Variants in PTPRT observed in about 807,000 individuals in gnomAD.
PTPRT encodes receptor-type tyrosine-protein phosphatase T.
PTPRT carries 56 observed loss-of-function variants against 176.8 expected under a neutral mutation model. The ratio of observed to expected loss-of-function variants is 0.32; its 90% confidence interval spans 0.26 to 0.40. PTPRT has a LOEUF of 0.40. PTPRT is among the 10% of genes least tolerant of loss of function. The probability of loss-of-function intolerance (pLI) is 1.00; values close to 1 mark genes in which losing one functional copy is unlikely to be tolerated. For synonymous variants in PTPRT, 783 were observed against 739.0 expected, an observed-to-expected ratio of 1.06 and a Z score of -0.96; for missense variants, 1,540 against 1,908.2, an observed-to-expected ratio of 0.81 and a Z score of 3.60.
chr20:42,035,980 A>G, the PTPRT span, among the ~76,000 whole-genome samples: 1 of 152,208 alleles, frequency 6.6e-6, no homozygotes, highest in African/African-American at 2.4e-5. Context: ...TTGGGAGAAG[A>G]TAACAGGACA....
At chr20:42,522,232 A>C (rs548815920) in intron 7 of PTPRT, among the ~76,000 whole-genome samples, 67 of 149,610 alleles carry the variant, frequency 4.5e-4, no homozygotes, top group African/African-American at 1.6e-3. Context: ...GGTTGTGTGA[A>C]TTTATTCGTG....
At chr20:42,238,722 C>T (rs1204377155) in intron 14 of PTPRT, among the ~76,000 whole-genome samples, 2 of 152,168 alleles carry the variant, frequency 1.3e-5, no homozygotes, top group African/African-American at 4.8e-5. Flanking sequence ...TCTTCTTCTT[C>T]CCTTTGGACC....
intron 1 of PTPRT, among the ~76,000 whole-genome samples, chr20:43,001,373 C>G (rs1984541865): frequency 1.3e-5 from 2 of 152,130 alleles, no homozygotes; most frequent in South Asian, 2.1e-4. Flanking sequence ...AGTTATACAA[C>G]TTTTTAATTG....
chr20:42,961,008 C>T (rs1281743375), intron 1 of PTPRT, among the ~76,000 whole-genome samples: 1 of 152,066 alleles, frequency 6.6e-6, no homozygotes, highest in Non-Finnish European at 1.5e-5. Context: ...CATTAAATTT[C>T]AGACTATCTG....
At chr20:42,835,803 G>A (rs1466706052) in intron 2 of PTPRT, among the ~76,000 whole-genome samples, 1 of 152,040 alleles carries the variant, frequency 6.6e-6, no homozygotes, top group Non-Finnish European at 1.5e-5. Flanking sequence ...CAGAATGAGA[G>A]AGATACAGAC....
intron 19 of PTPRT, among the ~76,000 whole-genome samples, chr20:42,127,052 C>T: frequency 6.6e-6 from 1 of 152,214 alleles, no homozygotes; most frequent in East Asian, 1.9e-4. Flanking sequence ...CGAGGCAATT[C>T]AGTATGGGGA....
intron 7 of PTPRT, among the ~76,000 whole-genome samples, chr20:42,476,687 T>C (rs1445049024): frequency 6.6e-6 from 1 of 152,082 alleles, no homozygotes; most frequent in African/African-American, 2.4e-5. Context: ...TACCTGCAGG[T>C]GAAAGCATTT....
intron 6 of PTPRT, among the ~76,000 whole-genome samples, chr20:42,751,967 C>A (rs943452498): frequency 1.3e-5 from 2 of 152,196 alleles, no homozygotes; most frequent in Non-Finnish European, 2.9e-5. Flanking sequence ...CCTATTACTT[C>A]TGTCCCTCTA....
intron 3 of PTPRT, among the ~76,000 whole-genome samples, chr20:42,789,882 A>G (rs1468548613): frequency 6.6e-6 from 1 of 152,212 alleles, no homozygotes; most frequent in Non-Finnish European, 1.5e-5. Context: ...CAATAGATAC[A>G]TGTATTCCTA....
chr20:42,906,032 G>A (rs948597825), intron 1 of PTPRT, among the ~76,000 whole-genome samples: 7 of 151,982 alleles, frequency 4.6e-5, no homozygotes, highest in Admixed American at 3.3e-4. Context: ...GAACCTGCAC[G>A]TTGTGCACAT....
At chr20:43,068,467 T>C (rs187785824) in intron 1 of PTPRT, among the ~76,000 whole-genome samples, 3 of 140,220 alleles carry the variant, frequency 2.1e-5, no homozygotes, top group Non-Finnish European at 4.5e-5. Flanking sequence ...ACCGCGCCAC[T>C]GCACTCCAGC....
intron 1 of PTPRT, among the ~76,000 whole-genome samples, chr20:42,930,294 G>C (rs908424858): frequency 5.9e-5 from 9 of 152,102 alleles, no homozygotes; most frequent in Admixed American, 5.9e-4. Flanking sequence ...TGAGGGGGCT[G>C]GATCCCTGCC....
rs555455205 is a variant in PTPRT, at chr20:42,760,146, G to A, written c.685-3510C>T. 1.9e-4 allele frequency among the ~76,000 whole-genome samples: 29 copies of A among 152,268 alleles called. No homozygotes were observed. In the South Asian group the frequency reaches 5.2e-3, roughly 27 times the overall value. On this transcript the variant is annotated intron_variant, in intron 5 of 30. Transcript: ENST00000373187. ...GAGAGGAGGAAACTTCTTACTTGAC[G>A]GAGGGCAGCTCTCTGGGAAAAGGAA... is the stretch of plus-strand genomic sequence containing the variant.
chr20:42,784,675 A>C (rs1424736412), intron 3 of PTPRT, among the ~76,000 whole-genome samples: 1 of 152,164 alleles, frequency 6.6e-6, no homozygotes, highest in Non-Finnish European at 1.5e-5. Context: ...ACTGAGTTTA[A>C]AGTCCAGTTG....
chr20:42,431,950 A>C (rs896905583), intron 9 of PTPRT, among the ~76,000 whole-genome samples: 1 of 152,238 alleles, frequency 6.6e-6, no homozygotes, highest in Non-Finnish European at 1.5e-5. Flanking sequence ...ACAACAGCAG[A>C]TAGAACATTT....
At chr20:42,547,722 G>A (rs907443546) in intron 7 of PTPRT, among the ~76,000 whole-genome samples, 23 of 152,012 alleles carry the variant, frequency 1.5e-4, no homozygotes, top group African/African-American at 5.5e-4. Flanking sequence ...TATATCCCAG[G>A]TTCTGCTTAT....
intron 1 of PTPRT, among the ~76,000 whole-genome samples, chr20:43,131,137 A>C (rs2013635171): frequency 6.6e-6 from 1 of 152,242 alleles, no homozygotes; most frequent in Non-Finnish European, 1.5e-5. Context: ...AGTACTCCCA[A>C]GTATGCCTGG....
the PTPRT span, among the ~76,000 whole-genome samples, chr20:42,032,415 A>C: frequency 6.6e-6 from 1 of 152,186 alleles, no homozygotes; most frequent in South Asian, 2.1e-4. Flanking sequence ...AAAAGAGATC[A>C]TTGTTTTCCA....
At chr20:42,746,374 T>C (rs1316559002) in intron 6 of PTPRT, among the ~76,000 whole-genome samples, 1 of 152,072 alleles carries the variant, frequency 6.6e-6, no homozygotes, top group East Asian at 1.9e-4. Flanking sequence ...AGGCTAAGGG[T>C]GGGGAACCGG....
Sources: gnomAD v4.1 joint callset for allele counts (sites outside exome capture counted in the v4.1 genomes callset) on GRCh38, gnomAD v4.1.1 for gene constraint, MANE v1.5 for transcripts, NCBI Gene and HGNC (gene_info 2026-07-23, HGNC 2026-07-21) for gene names.